Variants in SLC5A2 observed in about 807,000 individuals in gnomAD.
SLC5A2 encodes sodium/glucose cotransporter 2.
SLC5A2 carries 67 observed loss-of-function variants against 69.0 expected under a neutral mutation model. The observed-to-expected ratio is 0.97, with a 90% CI of 0.80 to 1.19. The LOEUF (loss-of-function observed/expected upper bound fraction) is 1.19, where lower values mean the gene tolerates loss of function less well. Among genes scored for constraint, SLC5A2 ranks in the 50% most tolerant of loss-of-function variants. The pLI is 0.00. For synonymous variants in SLC5A2, 455 were observed against 395.8 expected (o/e 1.15, Z -1.78); for missense variants, 1,001 against 921.5 (o/e 1.09, Z -1.12).
In SLC5A2 at chr16:31,488,739, G is replaced by T; in HGVS notation, c.1247G>T (p.Arg416Leu). The part of the protein sequence containing the change: ...TMDIYTRLRP[R>L]AGDRELLLVG... ...GACATCTACACGCGCCTGCGGCCAC[G>T]CGCCGGCGACCGCGAGCTGCTGCTG... is the stretch of plus-strand genomic sequence containing the variant. Residue 416 changes from arginine to leucine, a missense_variant, in exon 10 of 14, where the codon CGC (arginine) becomes CTC (leucine). Transcript: ENST00000330498. The T allele has an allele frequency of 6.2e-7, 1 of 1,608,842 alleles. No homozygotes were observed.
In SLC5A2 at chr16:31,489,163, T is replaced by C; in HGVS notation, c.1490T>C (p.Leu497Pro). 6.2e-7 allele frequency: 1 copy of C among 1,610,040 alleles called. No homozygotes were observed. Among genetic ancestry groups the C allele is most frequent in the South Asian group, 1.1e-5 (1 of 91,076 alleles). The change falls in exon 12 of 14, where the codon CTG (leucine) becomes CCG (proline). Residue 497 changes from leucine to proline, a missense_variant. By Grantham distance (98) the Leu-to-Pro change is moderately conservative (BLOSUM62 -3). Transcript: ENST00000330498. ...CTCATCGGGGGCCTGCTGATGGGCC[T>C]GGCACGCCTGATTCCCGAGTTCTCC... ...WGLIGGLLMGLARLIPEFSFG... is the reference protein window; with the variant it reads ...WGLIGGLLMGPARLIPEFSFG...
chr16:31,488,912 T>G lies in SLC5A2; in HGVS notation c.1313T>G (p.Val438Gly), dbSNP rs753087674. ...GTGGTGTTCATCGTGGTAGTGTCGG[T>G]GGCCTGGCTTCCCGTGGTGCAGGCG... ...LWVVFIVVVSVAWLPVVQAAQ... is the reference protein window; with the variant it reads ...LWVVFIVVVSGAWLPVVQAAQ... The change falls in exon 11 of 14, where the codon GTG becomes GGG. Residue 438 changes from valine (V) to glycine (G), a missense_variant. Coordinates refer to ENST00000330498, the MANE Select transcript of SLC5A2 (RefSeq NM_003041.4). 6.2e-7 allele frequency: 1 copy of G among 1,605,286 alleles called. No individual in the cohort carries two copies. The highest frequency in any genetic ancestry group is 1.1e-5 in the South Asian group (1 of 91,076).
chr16:31,489,072 G>C (rs145701800), intron 11 of SLC5A2, 24 bp downstream of exon 11: 64 of 1,602,564 alleles, frequency 4.0e-5, no homozygotes, highest in Non-Finnish European at 5.4e-5. Flanking sequence ...GCGTGGTGAC[G>C]GCAGGGCTGG....
Position 31,488,173 on chromosome 16 carries a change from G to C in SLC5A2, c.1021G>C (p.Asp341His), listed in dbSNP as rs769446511. 1 of 1,614,026 alleles carries C rather than the reference G, an allele frequency of 6.2e-7. No homozygotes were observed. The highest frequency in any genetic ancestry group is 1.7e-5 in the Admixed American group (1 of 60,036). Residue 341 changes from aspartate to histidine, a missense_variant and splice_region_variant, in exon 8 of 14, where the codon GAC becomes CAC. Coordinates refer to ENST00000330498, the MANE Select transcript of SLC5A2 (RefSeq NM_003041.4). Reference protein sequence around the residue: ...PGMISRILYPDEVACVVPEVC... With the variant: ...PGMISRILYPHEVACVVPEVC... ...CATGATCAGCCGCATTCTGTACCCA[G>C]GTAACATCCCTGCCCCGCCCCTTTC...
At position 31,485,075 on chromosome 16, in the gene SLC5A2, C is replaced by A. The variant is rs1331786616; in HGVS notation, c.303+152C>A. The A allele has an allele frequency of 3.5e-5, 27 of 774,898 alleles. No homozygotes were observed. The East Asian group carries it at 6.4e-4, about 18-fold the overall frequency. 48.0% of individuals were successfully genotyped at this position (774,898 alleles called of 1,614,324 possible). A position where few individuals can be genotyped will look rare whatever the true frequency, so the allele number is the denominator to read the frequency against. ...TGGGCTGGGAGTGGAGGTCATACATCTAGCCAGGAAGCAGAGGGGTGCAGG... is the reference window on the plus strand; with the variant it reads ...TGGGCTGGGAGTGGAGGTCATACATATAGCCAGGAAGCAGAGGGGTGCAGG... On this transcript the variant is annotated intron_variant, in intron 3 of 13. Coordinates refer to ENST00000330498, the MANE Select transcript of SLC5A2 (RefSeq NM_003041.4).
Position 31,488,157 on chromosome 16 carries a change from C to A in SLC5A2, c.1005C>A (p.Ser335Arg). 6.2e-7 allele frequency: 1 copy of A among 1,614,044 alleles called. No individual in the cohort carries two copies. The highest frequency in any genetic ancestry group is 8.5e-7 in the Non-Finnish European group (1 of 1,179,962). ...MFLMVMPGMI[S>R]RILYPDEVAC... ...TCATGGTCATGCCAGGCATGATCAG[C>A]CGCATTCTGTACCCAGGTAACATCC... Residue 335 changes from serine to arginine, a missense_variant, in exon 8 of 14, where the codon AGC becomes AGA. Transcript: ENST00000330498.
At chr16:31,490,266 C>T (rs370100883) in intron 13 of SLC5A2, 36 bp downstream of exon 13, 35 of 1,613,876 alleles carry the variant, frequency 2.2e-5, no homozygotes, top group Non-Finnish European at 2.8e-5. Context: ...GCTGGAGGAG[C>T]TGAGTTCCCG....
At chr16:31,483,476 C>T (rs1024944947) in intron 1 of SLC5A2, among the ~76,000 whole-genome samples, 2 of 152,142 alleles carry the variant, frequency 1.3e-5, no homozygotes, top group African/African-American at 2.4e-5. Context: ...TGAAGGGGTC[C>T]GCGGATTTTC....
intron 1 of SLC5A2, 125 bp downstream of exon 1, chr16:31,483,387 G>C (rs2082471178): frequency 2.1e-5 from 27 of 1,282,288 alleles, no homozygotes; most frequent in Middle Eastern, 3.9e-4. Context: ...AGGCCTGGGG[G>C]CAAGCAGGTC....
Position 31,487,648 on chromosome 16 carries a change from C to G in SLC5A2, c.774C>G (p.Pro258=). The G allele has an allele frequency of 6.2e-7, 1 of 1,613,898 alleles. No individual in the cohort carries two copies. Among genetic ancestry groups the G allele is most frequent in the Non-Finnish European group, 8.5e-7 (1 of 1,180,002 alleles). The change falls in exon 7 of 14, where the codon CCC becomes CCG. Residue 258 remains proline (P), a synonymous_variant. Transcript: ENST00000330498. The part of the protein sequence containing the change: ...VGNISSFCYR[P]RPDSYHLLRH... ...ACATCTCCAGCTTCTGCTATCGACC[C>G]CGGCCCGACTCCTACCACCTGCTCC...
At position 31,487,555 on chromosome 16, in the gene SLC5A2, G is replaced by C; in HGVS notation, c.681G>C (p.Ser227=). The stretch of plus-strand genomic sequence containing the variant: ...CCTTCCACGAGGTGGGCGGGTATTC[G>C]GGTCTCTTCGACAAATACCTGGGAG... ...GYAFHEVGGY[S]GLFDKYLGAA... is the part of the protein sequence containing the mutation. The change falls in exon 7 of 14, where the codon TCG becomes TCC. Residue 227 remains serine, a synonymous_variant. Coordinates refer to ENST00000330498, the MANE Select transcript of SLC5A2 (RefSeq NM_003041.4). 1 of 1,613,842 alleles carries C rather than the reference G, an allele frequency of 6.2e-7. No homozygotes were observed. Among genetic ancestry groups the C allele is most frequent in the Non-Finnish European group, 8.5e-7 (1 of 1,179,994 alleles).
chr16:31,490,446 A>C lies in SLC5A2; in HGVS notation c.1930A>C (p.Ser644Arg). Residue 644 changes from serine to arginine, a missense_variant, in exon 14 of 14, where the codon AGC becomes CGC. Ser to Arg is a moderately radical substitution (Grantham distance 110). Coordinates refer to ENST00000330498, the MANE Select transcript of SLC5A2 (RefSeq NM_003041.4). ...AGCAGCCAGGCGGCTGGAGGACATC[A>C]GCGAGGACCCGAGCTGGGCCCGTGT... ...AAAARRLEDI[S>R]EDPSWARVVN... 1 of 1,613,964 alleles carries C rather than the reference A, an allele frequency of 6.2e-7. No homozygotes were observed. Among genetic ancestry groups the C allele is most frequent in the Non-Finnish European group, 8.5e-7 (1 of 1,180,000 alleles).
rs368278064 is a variant in SLC5A2, at chr16:31,490,416, G to A, written c.1900G>A (p.Ala634Thr). ...TCCGCCCCTTACCCAGGAGGAGGCA[G>A]CGGCAGCAGCCAGGCGGCTGGAGGA... ...SPPPLTQEEA[A>T]AAARRLEDIS... The change falls in exon 14 of 14, where the codon GCG becomes ACG. Residue 634 changes from alanine to threonine, a missense_variant. Physicochemically the swap from Ala to Thr is moderately conservative, Grantham distance 58. Coordinates refer to ENST00000330498, the MANE Select transcript of SLC5A2 (RefSeq NM_003041.4). The A allele has an allele frequency of 3.7e-6, 6 of 1,613,478 alleles. No homozygotes were observed. In the African/African-American group the frequency reaches 4.0e-5, roughly 11 times the overall value.
In SLC5A2 at chr16:31,490,440, G is replaced by A; in HGVS notation, c.1924G>A (p.Asp642Asn). ...AGCGGCAGCAGCCAGGCGGCTGGAG[G>A]ACATCAGCGAGGACCCGAGCTGGGC... is the stretch of plus-strand genomic sequence containing the variant. ...EAAAAARRLE[D>N]ISEDPSWARV... Residue 642 changes from aspartate (D) to asparagine (N), a missense_variant, in exon 14 of 14, where the codon GAC becomes AAC. By Grantham distance (23) the Asp-to-Asn change is conservative (BLOSUM62 1). Coordinates refer to ENST00000330498, the MANE Select transcript of SLC5A2 (RefSeq NM_003041.4). 6.2e-7 allele frequency: 1 copy of A among 1,613,920 alleles called. No individual in the cohort carries two copies. Among genetic ancestry groups the A allele is most frequent in the Non-Finnish European group, 8.5e-7 (1 of 1,179,994 alleles).
rs954456279 is a variant in SLC5A2 at position 31,489,227 on chromosome 16, A to C, written c.1554A>C (p.Pro518=). 2.5e-6 allele frequency: 4 copies of C among 1,610,380 alleles called. No individual in the cohort carries two copies. The highest frequency in any genetic ancestry group is 3.4e-6 in the Non-Finnish European group (4 of 1,180,004). Residue 518 remains proline (P), a synonymous_variant, in exon 12 of 14, where the codon CCA becomes CCC. Coordinates refer to ENST00000330498, the MANE Select transcript of SLC5A2 (RefSeq NM_003041.4). ...SGSCVQPSAC[P]AFLCGVHYLY... ...GCTGTGTGCAGCCCTCGGCGTGCCC[A>C]GCTTTCCTCTGCGGCGTGCACTACC...
rs4464099 is a variant in SLC5A2 at position 31,486,293 on chromosome 16, G to A, written c.574+18G>A. On this transcript the variant is annotated intron_variant, in intron 5 of 13. Transcript: ENST00000330498. Reference sequence around the variant, plus strand: ...GGTGACAGGTGCCAGCAGGGGCTTAGGAAAGGGAGTGGGCCTGGGACACTG... The same window carrying A: ...GGTGACAGGTGCCAGCAGGGGCTTAAGAAAGGGAGTGGGCCTGGGACACTG... The A allele has an allele frequency of 6.3e-7, 1 of 1,592,698 alleles. No individual in the cohort carries two copies. Among genetic ancestry groups the A allele is most frequent in the Non-Finnish European group, 8.6e-7 (1 of 1,161,036 alleles).
intron 3 of SLC5A2, chr16:31,485,363 C>A (rs1378853444): frequency 2.2e-6 from 1 of 451,290 alleles, no homozygotes; most frequent in Non-Finnish European, 4.1e-6. Flanking sequence ...GAGCTCAGGG[C>A]TTCCTGGAGG....
intron 5 of SLC5A2, 80 bp downstream of exon 5, chr16:31,486,355 G>C: frequency 9.2e-7 from 1 of 1,084,506 alleles, no homozygotes; most frequent in South Asian, 1.3e-5. Context: ...AGCTGCCAGA[G>C]GAAAGCAAGC....
intron 12 of SLC5A2, 130 bp from the exon 13 acceptor site, chr16:31,489,974 G>T: frequency 7.9e-7 from 1 of 1,258,810 alleles, no homozygotes; most frequent in South Asian, 1.3e-5. Context: ...CATGAGTTAA[G>T]CCTGGGCTGG....
Sources: allele counts gnomAD v4.1 joint callset (sites outside exome capture counted in the v4.1 genomes callset), GRCh38; gene constraint gnomAD v4.1.1; transcripts MANE v1.5; gene names NCBI Gene and HGNC (gene_info 2026-07-23, HGNC 2026-07-21).